Variants in EHMT2 observed in about 807,000 individuals in gnomAD.
EHMT2 encodes euchromatic histone lysine methyltransferase 2, also known as histone-lysine N-methyltransferase EHMT2.
EHMT2 carries 59 observed loss-of-function variants against 143.3 expected under a neutral mutation model. That is an observed-to-expected ratio of 0.41 (90% CI 0.33 to 0.51). The LOEUF is 0.51. Among genes scored for constraint, EHMT2 ranks in the 20% least tolerant of loss-of-function variants. EHMT2 has a pLI of 0.18. For synonymous variants in EHMT2, 604 were observed against 651.5 expected (o/e 0.93, Z 1.11); for missense variants, 1,174 against 1,645.9 (o/e 0.71, Z 4.96).
At position 31,880,659 on chromosome 6, in the gene EHMT2, C is replaced by A; in HGVS notation, c.3452+14G>T. ...ACCCCCTGGCAGAGCCCCTAGAGACCCCTAGAGTCTCACCCTAGCTCCTCC... is the reference window on the plus strand; with the variant it reads ...ACCCCCTGGCAGAGCCCCTAGAGACACCTAGAGTCTCACCCTAGCTCCTCC... On this transcript the variant is annotated intron_variant, in intron 27 of 27. Transcript: ENST00000375537. The surrounding 1 kb of genome is among the most constrained non-coding windows in gnomAD (Gnocchi z 6.6). The A allele has an allele frequency of 6.2e-7, 1 of 1,612,768 alleles. No individual in the cohort carries two copies. Among genetic ancestry groups the A allele is most frequent in the South Asian group, 1.1e-5 (1 of 91,050 alleles).
At position 31,888,744 on chromosome 6, in the gene EHMT2, A is replaced by C. The variant is rs753989479; in HGVS notation, c.1220T>G (p.Val407Gly). The change falls in exon 11 of 28, where the codon GTG (valine) becomes GGG (glycine). Residue 407 changes from valine (V) to glycine (G), a missense_variant. Transcript: ENST00000375537. This position sits in a 1 kb window ranked among gnomAD's most constrained non-coding sequence, Gnocchi z 7.4. ...CTCCAGCGAAGATGTGTCATTGGAC[A>C]CCCCTTGGATGGAGGAAAAGAGGAG... is the stretch of plus-strand genomic sequence containing the variant. The C allele has an allele frequency of 3.7e-6, 6 of 1,612,618 alleles. No homozygotes were observed. Among genetic ancestry groups the C allele is most frequent in the Non-Finnish European group, 5.1e-6 (6 of 1,179,954 alleles).
At chr6:31,887,707 T>C in intron 14 of EHMT2, 48 bp from the exon 15 acceptor site, 1 of 1,609,762 alleles carries the variant, frequency 6.2e-7, no homozygotes, top group Non-Finnish European at 8.5e-7. Context: ...CTCCTCAGAT[T>C]CCAGCATCAG....
chr6:31,886,423 A>G, intron 18 of EHMT2, 158 bp downstream of exon 18: 1 of 625,514 alleles, frequency 1.6e-6, no homozygotes, highest in Non-Finnish European at 2.7e-6. Flanking sequence ...CGAGAAAGAA[A>G]AGAATGAAGA....
Position 31,892,986 on chromosome 6 carries a change from C to T in EHMT2, c.583-76G>A, listed in dbSNP as rs995858671. ...GCCTGGGTTAGCCTGGAGCCCCAGG[C>T]GGGGGTGGGGTAGTGAGCCACACCT... On this transcript the variant is annotated intron_variant, in intron 4 of 27. Transcript: ENST00000375537. 3.0e-5 allele frequency: 29 copies of T among 970,484 alleles called. 1 individual carries two copies. Among genetic ancestry groups the T allele is most frequent in the South Asian group, 1.7e-4 (10 of 58,294 alleles). The allele number at this position is 970,484 out of a possible 1,614,324, so 60.1% of individuals were successfully genotyped here.
At chr6:31,892,308 A>G in intron 7 of EHMT2, 99 bp downstream of exon 7, 1 of 1,385,552 alleles carries the variant, frequency 7.2e-7, no homozygotes, top group East Asian at 2.3e-5. Flanking sequence ...AGAAGATAAA[A>G]AGGACAGAAA....
chr6:31,884,362 C>G lies in EHMT2; in HGVS notation c.2771+30G>C, dbSNP rs1352997631. ...AGGGTATGGGTGGGGAGGAGGTGGT[C>G]TTGGGTGCAGAGAGGGGCCCAGGGC... On this transcript the variant is annotated intron_variant, in intron 21 of 27. Coordinates refer to ENST00000375537, the Ensembl canonical transcript of EHMT2. The surrounding 1 kb of genome is among the most constrained non-coding windows in gnomAD (Gnocchi z 7.3). The G allele has an allele frequency of 1.3e-6, 2 of 1,593,214 alleles. No individual in the cohort carries two copies. The highest frequency in any genetic ancestry group is 1.7e-6 in the Non-Finnish European group (2 of 1,169,332).
intron 1 of EHMT2, 151 bp from the exon 2 acceptor site, chr6:31,897,140 A>G: frequency 7.3e-7 from 1 of 1,373,918 alleles, no homozygotes; most frequent in Non-Finnish European, 9.4e-7. Flanking sequence ...GGCTGCCCGG[A>G]GGGGCCGCAC....
chr6:31,892,042 G>A (rs1186166905), intron 7 of EHMT2, among the ~76,000 whole-genome samples: 1 of 152,142 alleles, frequency 6.6e-6, no homozygotes, highest in Admixed American at 6.5e-5. Context: ...AGGAGTTAGA[G>A]ACCAGCCTGG....
At position 31,892,501 on chromosome 6, in the gene EHMT2, C is replaced by A. The variant is rs1427596830; in HGVS notation, c.770G>T (p.Gly257Val). 1.9e-6 allele frequency: 3 copies of A among 1,612,886 alleles called. No homozygotes were observed. The African/African-American group carries it at 4.0e-5, about 22-fold the overall frequency. ...CACCGTCTCCCACTCCTCCAGGGACCCGGGGTCCCCTTTCGTCAGGGTCAC... is the reference window on the plus strand; with the variant it reads ...CACCGTCTCCCACTCCTCCAGGGACACGGGGTCCCCTTTCGTCAGGGTCAC... The change falls in exon 7 of 28, where the codon GGG (glycine) becomes GTG (valine). Residue 257 changes from glycine to valine, a missense_variant. Physicochemically the swap from Gly to Val is moderately radical, Grantham distance 109. This residue lies in a region of EHMT2 where 399 missense variants were observed against 404.4 expected (regional missense o/e 0.99). Transcript: ENST00000375537.
chr6:31,890,037 G>C (rs1424775875), intron 7 of EHMT2, among the ~76,000 whole-genome samples: 1 of 152,126 alleles, frequency 6.6e-6, no homozygotes, highest in African/African-American at 2.4e-5. Context: ...GACCAGATTA[G>C]ATGTTCCATG....
chr6:31,889,108 CA>C lies in EHMT2; in HGVS notation c.1115-39del, dbSNP rs1293895919. The C allele has an allele frequency of 1.3e-6, 2 of 1,571,874 alleles. No homozygotes were observed. The highest frequency in any genetic ancestry group is 1.7e-6 in the Non-Finnish European group (2 of 1,154,958). On this transcript the variant is annotated intron_variant, in intron 9 of 27. Transcript: ENST00000375537. The surrounding 1 kb of genome is among the most constrained non-coding windows in gnomAD (Gnocchi z 5.1). Reference sequence around the variant, plus strand: ...CAGAGAGAGTGAGAGTGCGAGCTCACAGGTGCCTGGACGCGTGGGTACATGC... The same window carrying C: ...CAGAGAGAGTGAGAGTGCGAGCTCACGGTGCCTGGACGCGTGGGTACATGC...
intron 25 of EHMT2, among the ~76,000 whole-genome samples, chr6:31,882,370 C>T (rs559352701): frequency 2.0e-4 from 31 of 152,036 alleles, no homozygotes; most frequent in Middle Eastern, 3.4e-3. Flanking sequence ...AAACCCAAGT[C>T]TGTTTGTCTC....
rs775755203 is a variant in EHMT2 at position 31,889,096 on chromosome 6, A to G, written c.1115-26T>C. 6.3e-7 allele frequency: 1 copy of G among 1,583,010 alleles called. No homozygotes were observed. Among genetic ancestry groups the G allele is most frequent in the Non-Finnish European group, 8.6e-7 (1 of 1,162,674 alleles). On this transcript the variant is annotated intron_variant, in intron 9 of 27. Transcript: ENST00000375537. This position sits in a 1 kb window ranked among gnomAD's most constrained non-coding sequence, Gnocchi z 5.1. Reference sequence around the variant, plus strand: ...CTGACACAGAGACAGAGAGAGTGAGAGTGCGAGCTCACAGGTGCCTGGACG... The same window carrying G: ...CTGACACAGAGACAGAGAGAGTGAGGGTGCGAGCTCACAGGTGCCTGGACG...
chr6:31,884,524 C>T lies in EHMT2; in HGVS notation c.2639G>A (p.Arg880Gln), dbSNP rs560550392. Residue 880 changes from arginine (R) to glutamine (Q), a missense_variant, in exon 21 of 28, where the codon CGG becomes CAG. Around this residue, in one of 6 missense-constraint regions of EHMT2, gnomAD observed 608 missense variants for 903.7 expected, o/e 0.67. Coordinates refer to ENST00000375537, the Ensembl canonical transcript of EHMT2. The surrounding 1 kb of genome is among the most constrained non-coding windows in gnomAD (Gnocchi z 7.3). ...CCATGCTGTGTCCCCCTCTTTGTTC[C>T]GCAGCTCAGGGTTGGCCCCACGTGA... The T allele has an allele frequency of 2.9e-5, 46 of 1,612,922 alleles. No individual in the cohort carries two copies. The highest frequency in any genetic ancestry group is 1.4e-4 in the South Asian group (13 of 91,084).
Position 31,889,717 on chromosome 6 carries a change from A to AT in EHMT2, c.865-116dup, listed in dbSNP as rs1765443644. 61 of 1,344,588 alleles carry AT rather than the reference A, an allele frequency of 4.5e-5. 1 individual carries two copies. In the South Asian group the frequency reaches 6.9e-4, roughly 15 times the overall value. The allele number at this position is 1,344,588 out of a possible 1,614,324, so 83.3% of individuals were successfully genotyped here. A position where few individuals can be genotyped will look rare whatever the true frequency, so the allele number is the denominator to read the frequency against. ...CACTACCCACGGATGGCTGCTGGGG[A>AT]TAAGTGTGGGTAGCAGAGGAGACAA... On this transcript the variant is annotated intron_variant, in intron 7 of 27. Coordinates refer to ENST00000375537, the Ensembl canonical transcript of EHMT2. The surrounding 1 kb of genome is among the most constrained non-coding windows in gnomAD (Gnocchi z 5.1).
chr6:31,888,749 T>C lies in EHMT2; in HGVS notation c.1217-2A>G, dbSNP rs751386784. On this transcript the variant is annotated splice_acceptor_variant, in intron 10 of 27. Transcript: ENST00000375537. LOFTEE classifies it high-confidence loss of function. The surrounding 1 kb of genome is among the most constrained non-coding windows in gnomAD (Gnocchi z 7.4). Reference sequence around the variant, plus strand: ...GCGAAGATGTGTCATTGGACACCCCTTGGATGGAGGAAAAGAGGAGCTGAG... The same window carrying C: ...GCGAAGATGTGTCATTGGACACCCCCTGGATGGAGGAAAAGAGGAGCTGAG... 2.5e-6 allele frequency: 4 copies of C among 1,612,532 alleles called. No homozygotes were observed. The highest frequency in any genetic ancestry group is 1.7e-6 in the Non-Finnish European group (2 of 1,179,928).
chr6:31,884,972 C>T lies in EHMT2; in HGVS notation c.2388G>A (p.Lys796=). 1 of 1,611,258 alleles carries T rather than the reference C, an allele frequency of 6.2e-7. No homozygotes were observed. The highest frequency in any genetic ancestry group is 1.1e-5 in the South Asian group (1 of 91,030). Residue 796 remains lysine (K), a synonymous_variant, in exon 19 of 28, where the codon AAG becomes AAA. Transcript: ENST00000375537. The surrounding 1 kb of genome is among the most constrained non-coding windows in gnomAD (Gnocchi z 7.3). ...GTAGCATGCGGATCACCTCGATGTG[C>T]TTGTGCTCTGCAGCCCAGATGATGG...
At chr6:31,887,439 T>G in intron 15 of EHMT2, 138 bp downstream of exon 15, 2 of 744,438 alleles carry the variant, frequency 2.7e-6, no homozygotes, top group Non-Finnish European at 2.3e-6. Context: ...ATGGGTTACA[T>G]GTGTCTTTTC....
intron 4 of EHMT2, 30 bp from the exon 5 acceptor site, chr6:31,892,940 T>TG: frequency 6.7e-7 from 1 of 1,494,282 alleles, no homozygotes; most frequent in Non-Finnish European, 9.0e-7. Flanking sequence ...ACACTGAGGG[T>TG]CAGAGAGCAC....
Sources: gnomAD v4.1 joint callset for allele counts (sites outside exome capture counted in the v4.1 genomes callset) on GRCh38, gnomAD v4.1.1 for gene constraint, gnomAD v4.1.1 regional missense constraint, Gnocchi (gnomAD v3.1) non-coding constraint, MANE v1.5 for transcripts, NCBI Gene and HGNC (gene_info 2026-07-23, HGNC 2026-07-21) for gene names.